The following PRKDC variants were observed in gnomAD, a reference collection of about 807,000 sequenced individuals.
PRKDC encodes the protein protein kinase, DNA-activated, catalytic subunit, also known as DNA-dependent protein kinase catalytic subunit.
In PRKDC, 82 loss-of-function variants were observed where a neutral mutation model predicts 486.9. The observed-to-expected ratio is 0.17, with a 90% confidence interval of 0.14 to 0.20. The LOEUF (loss-of-function observed/expected upper bound fraction) is 0.20, where lower values mean the gene tolerates loss of function less well. PRKDC is among the 10% of genes least tolerant of loss of function. PRKDC has a pLI of 1.00. For missense variants in PRKDC, 4,504 were observed against 5,038.2 expected (o/e 0.89, Z 3.21); for synonymous variants, 1,895 against 1,837.0 (o/e 1.03, Z -0.81).
intron 68 of PRKDC, among the ~76,000 whole-genome samples, chr8:47,812,855 T>TA (rs987638688): frequency 6.6e-6 from 1 of 151,888 alleles, no homozygotes; most frequent in Non-Finnish European, 1.5e-5. Context: ...AATCAAGTGT[T>TA]AAAAAAGAGA....
chr8:47,957,944 G>A (rs1277605721), intron 1 of PRKDC, among the ~76,000 whole-genome samples: 1 of 152,194 alleles, frequency 6.6e-6, no homozygotes, highest in Non-Finnish European at 1.5e-5. Context: ...TGGCCCCAAA[G>A]ATGCCTGCAT....
At chr8:47,872,155 A>G (rs2088967767) in intron 40 of PRKDC, among the ~76,000 whole-genome samples, 1 of 152,178 alleles carries the variant, frequency 6.6e-6, no homozygotes, top group Admixed American at 6.5e-5. Context: ...AAAGTGTATA[A>G]TTTTTATTAG....
At chr8:47,895,339 T>G (rs78107331) in intron 30 of PRKDC, among the ~76,000 whole-genome samples, 1 of 152,196 alleles carries the variant, frequency 6.6e-6, no homozygotes, top group Non-Finnish European at 1.5e-5. Flanking sequence ...AAATTACCTG[T>G]TGGAAGAAGG....
chr8:47,833,757 C>T (rs2087942791), intron 59 of PRKDC, among the ~76,000 whole-genome samples: 2 of 152,176 alleles, frequency 1.3e-5, no homozygotes, highest in South Asian at 4.1e-4. Context: ...CACCCTGACA[C>T]TTCTCCATCC....
rs548386493 is a variant in PRKDC at position 47,868,140 on chromosome 8, T to C, written c.5364-3377A>G. ...TTCATGAAGGATACTTACTGGTCTA[T>C]AGTTTTCTTGTGCTGTCTTTCTCTT... On this transcript the variant is annotated intron_variant, in intron 40 of 85. Transcript: ENST00000314191. 2.0e-5 allele frequency among the ~76,000 whole-genome samples: 3 copies of C among 152,334 alleles called. No homozygotes were observed. The South Asian group carries it at 6.2e-4, about 32-fold the overall frequency.
chr8:47,887,568 T>G lies in PRKDC; in HGVS notation c.4551A>C (p.Leu1517Phe). 6.3e-7 allele frequency: 1 copy of G among 1,588,934 alleles called. No homozygotes were observed. Among genetic ancestry groups the G allele is most frequent in the Non-Finnish European group, 8.6e-7 (1 of 1,167,870 alleles). ...CTACCAGTCCTCCAAAAGCAAAGGC[T>G]AACTCCAGAAGTCCGCTGGCCAGCT... Reference protein sequence around the residue: ...CKQLASGLLELAFAFGGLCER... With the variant: ...CKQLASGLLEFAFAFGGLCER... The change falls in exon 35 of 86, where the codon TTA becomes TTC. Residue 1517 changes from leucine to phenylalanine, a missense_variant. By Grantham distance (22) the Leu-to-Phe change is conservative. Around this residue, in one of 6 missense-constraint regions of PRKDC, gnomAD observed 1,969 missense variants for 2,068.9 expected, o/e 0.95. Transcript: ENST00000314191.
chr8:47,840,668 T>C (rs2154499888), intron 54 of PRKDC, among the ~76,000 whole-genome samples: 1 of 152,352 alleles, frequency 6.6e-6, no homozygotes, highest in Admixed American at 6.5e-5. Context: ...AAGAGCTACC[T>C]GGCATGGTGT....
In PRKDC at chr8:47,831,939, A is replaced by G; in HGVS notation, c.8153-13T>C. ...CGGCCGGCCGCACCTGGAGAGGGAAAGCAGGCCCAGTTACTCCCCGCCGCC... is the reference window on the plus strand; with the variant it reads ...CGGCCGGCCGCACCTGGAGAGGGAAGGCAGGCCCAGTTACTCCCCGCCGCC... On this transcript the variant is annotated splice_polypyrimidine_tract_variant and intron_variant, in intron 59 of 85. Transcript: ENST00000314191. The G allele has an allele frequency of 1.2e-6, 2 of 1,606,320 alleles. No homozygotes were observed. The highest frequency in any genetic ancestry group is 1.7e-6 in the Non-Finnish European group (2 of 1,173,936).
At position 47,773,382 on chromosome 8, in the gene PRKDC, T is replaced by C. The variant is rs1228183680; in HGVS notation, c.*791A>G. 2 of 215,742 alleles carry C rather than the reference T, an allele frequency of 9.3e-6. No homozygotes were observed. Among genetic ancestry groups the C allele is most frequent in the Non-Finnish European group, 1.9e-5 (2 of 106,926 alleles). The allele number at this position is 215,742 out of a possible 1,614,324, so 13.4% of individuals were successfully genotyped here. A position where few individuals can be genotyped will look rare whatever the true frequency, so the allele number is the denominator to read the frequency against. ...TCATTTCAAATAGGAATTTCTTTTA[T>C]TCTCCTGGAACTGAAATGCTTAGTA... On this transcript the variant is annotated 3_prime_UTR_variant, in exon 86 of 86. Coordinates refer to ENST00000314191, the MANE Select transcript of PRKDC (RefSeq NM_006904.7).
At chr8:47,955,809 ACT>A (rs1362516394) in intron 4 of PRKDC, 63 bp downstream of exon 4, 4 of 1,327,416 alleles carry the variant, frequency 3.0e-6, no homozygotes, top group Non-Finnish European at 4.2e-6. Flanking sequence ...ACAACTCAAA[ACT>A]CTGATTTTCT....
chr8:47,866,177 A>G (rs2088807588), intron 40 of PRKDC, among the ~76,000 whole-genome samples: 1 of 151,306 alleles, frequency 6.6e-6, no homozygotes. Context: ...AAAAAAAAAA[A>G]AAGAGGCCCT....
At chr8:47,860,309 G>A (rs1383654057) in intron 45 of PRKDC, among the ~76,000 whole-genome samples, 2 of 152,232 alleles carry the variant, frequency 1.3e-5, no homozygotes, top group Non-Finnish European at 2.9e-5. Flanking sequence ...AATGTCATGA[G>A]GTATGCTAAT....
chr8:47,890,118 A>T (rs921874292), intron 32 of PRKDC, 139 bp downstream of exon 32: 3 of 357,152 alleles, frequency 8.4e-6, no homozygotes, highest in Non-Finnish European at 1.4e-5. Context: ...AGCTGGGTTG[A>T]GAGGATGAAA....
chr8:47,915,588 A>C (rs2089971147), intron 22 of PRKDC, among the ~76,000 whole-genome samples, 170 bp from the exon 23 acceptor site: 1 of 152,248 alleles, frequency 6.6e-6, no homozygotes, highest in Non-Finnish European at 1.5e-5. Context: ...AGGACCCCCA[A>C]AGAGCTGTTT....
chr8:47,856,918 A>ACAAAC (rs751413042), intron 49 of PRKDC, among the ~76,000 whole-genome samples: 52 of 152,350 alleles, frequency 3.4e-4, no homozygotes, highest in Non-Finnish European at 5.6e-4. Flanking sequence ...ACAAAACAAA[A>ACAAAC]CAAACACCTG....
intron 61 of PRKDC, among the ~76,000 whole-genome samples, chr8:47,830,057 T>C (rs2087828447): frequency 6.6e-6 from 1 of 152,150 alleles, no homozygotes; most frequent in Admixed American, 6.5e-5. Flanking sequence ...CCAAAAAGCA[T>C]GGTACTGGTA....
intron 36 of PRKDC, among the ~76,000 whole-genome samples, chr8:47,883,555 A>G (rs891791131): frequency 2.0e-5 from 3 of 152,314 alleles, no homozygotes; most frequent in Admixed American, 1.3e-4. Context: ...AACCTCATGC[A>G]TGAATCCCTA....
chr8:47,864,550 TGA>T lies in PRKDC; in HGVS notation c.5571+4_5571+5del. On this transcript the variant is annotated splice_donor_5th_base_variant and intron_variant, in intron 41 of 85. Coordinates refer to ENST00000314191, the MANE Select transcript of PRKDC (RefSeq NM_006904.7). ...CTTCTTATTACTGATTTAAGGCGTA[TGA>T]TACCTTTGTAAACCTGGACTTCAAC... is the stretch of plus-strand genomic sequence containing the variant. The T allele has an allele frequency of 6.2e-7, 1 of 1,602,422 alleles. No homozygotes were observed. Among genetic ancestry groups the T allele is most frequent in the Non-Finnish European group, 8.5e-7 (1 of 1,174,864 alleles).
chr8:47,814,461 C>T (rs1031817352), intron 68 of PRKDC, among the ~76,000 whole-genome samples: 1 of 151,982 alleles, frequency 6.6e-6, no homozygotes, highest in Admixed American at 6.6e-5. Context: ...TCCCAGAGAA[C>T]CTGCAAAACA....
Sources: gnomAD v4.1 joint callset for allele counts (sites outside exome capture counted in the v4.1 genomes callset) on GRCh38, gnomAD v4.1.1 for gene constraint, gnomAD v4.1.1 regional missense constraint, MANE v1.5 for transcripts, NCBI Gene and HGNC (gene_info 2026-07-23, HGNC 2026-07-21) for gene names.